Variants in ANKRD42 observed in about 807,000 individuals in gnomAD.
ANKRD42 encodes ankyrin repeat domain 42.
ANKRD42 carries 43 observed loss-of-function variants against 51.5 expected under a neutral mutation model. The observed-to-expected ratio is 0.83, with a 90% CI of 0.65 to 1.08. The LOEUF is 1.08. ANKRD42 is among the 50% of genes least tolerant of loss of function. The probability of loss-of-function intolerance (pLI) is 0.00; values close to 1 mark genes in which losing one functional copy is unlikely to be tolerated. For synonymous variants in ANKRD42, 203 were observed against 213.0 expected (o/e 0.95, Z 0.41); for missense variants, 608 against 629.3 (o/e 0.97, Z 0.36).
chr11:83,230,743 T>C (rs939974294), intron 7 of ANKRD42, among the ~76,000 whole-genome samples: 1 of 152,096 alleles, frequency 6.6e-6, no homozygotes, highest in Non-Finnish European at 1.5e-5. Context: ...TGTGCCACCA[T>C]GCCCGGCTAA....
chr11:83,227,870 A>T lies in ANKRD42; in HGVS notation c.911A>T (p.Lys304Ile). The T allele has an allele frequency of 1.9e-6, 3 of 1,600,288 alleles. No homozygotes were observed. The highest frequency in any genetic ancestry group is 2.6e-6 in the Non-Finnish European group (3 of 1,175,844). Residue 304 changes from lysine (K) to isoleucine (I), a missense_variant and splice_region_variant, in exon 7 of 11, where the codon AAA becomes ATA. Transcript: ENST00000533342. ...GATAATGGATCAACTCCTATGCATAAAGGTGAGTTATGATTCCTCCTTTCA... is the reference window on the plus strand; with the variant it reads ...GATAATGGATCAACTCCTATGCATATAGGTGAGTTATGATTCCTCCTTTCA... ...RADNGSTPMHKAAGQGHIECL... is the reference protein window; with the variant it reads ...RADNGSTPMHIAAGQGHIECL...
At chr11:83,206,676 G>A (rs1487422205) in intron 3 of ANKRD42, among the ~76,000 whole-genome samples, 2 of 152,184 alleles carry the variant, frequency 1.3e-5, no homozygotes, top group Non-Finnish European at 2.9e-5. Context: ...TCACCAGACA[G>A]AATCTGCCAC....
chr11:83,243,857 G>A (rs1863461917), intron 9 of ANKRD42, among the ~76,000 whole-genome samples: 1 of 151,478 alleles, frequency 6.6e-6, no homozygotes, highest in Non-Finnish European at 1.5e-5. Flanking sequence ...GTAGAGACGG[G>A]GTTTCACCAT....
chr11:83,216,667 T>C (rs1030557920), intron 5 of ANKRD42, among the ~76,000 whole-genome samples: 1 of 152,248 alleles, frequency 6.6e-6, no homozygotes, highest in African/African-American at 2.4e-5. Flanking sequence ...TCGTAAATTG[T>C]CTCGGCTTTT....
intron 11 of ANKRD42, among the ~76,000 whole-genome samples, chr11:83,255,487 C>T (rs1255372381): frequency 2.6e-5 from 4 of 152,148 alleles, no homozygotes; most frequent in Non-Finnish European, 5.9e-5. Flanking sequence ...CTAACACTTG[C>T]AGTTACCAAT....
chr11:83,230,604 T>C (rs1485489804), intron 7 of ANKRD42, among the ~76,000 whole-genome samples: 1 of 151,870 alleles, frequency 6.6e-6, no homozygotes, highest in Non-Finnish European at 1.5e-5. Flanking sequence ...TTTTTTTTTT[T>C]GAGACGGAGT....
At chr11:83,219,409 A>C (rs1391697558) in intron 5 of ANKRD42, among the ~76,000 whole-genome samples, 2 of 152,170 alleles carry the variant, frequency 1.3e-5, no homozygotes, top group Admixed American at 6.5e-5. Context: ...CATGCTAAGG[A>C]CCAATTTATG....
intron 5 of ANKRD42, among the ~76,000 whole-genome samples, chr11:83,222,638 T>C (rs1862749405): frequency 1.3e-5 from 2 of 152,124 alleles, no homozygotes; most frequent in Non-Finnish European, 2.9e-5. Flanking sequence ...TAACAGCAAG[T>C]GTAAATCTCC....
Position 83,194,310 on chromosome 11 carries a change from T to C in ANKRD42, c.-361T>C. ...ACTTCGGGGATAGAGTCAGTGACGA[T>C]CGCAGTCGCCGCTTCAGTGGCTCCT... On this transcript the variant is annotated 5_prime_UTR_variant, in exon 1 of 11. Transcript: ENST00000533342. 1 of 507,544 alleles carries C rather than the reference T, an allele frequency of 2.0e-6. No homozygotes were observed. Among genetic ancestry groups the C allele is most frequent in the South Asian group, 1.5e-5 (1 of 64,984 alleles). The allele number at this position is 507,544 out of a possible 1,614,324, so 31.4% of individuals were successfully genotyped here. A position where few individuals can be genotyped will look rare whatever the true frequency, so the allele number is the denominator to read the frequency against.
chr11:83,242,592 A>G (rs1863426910), intron 9 of ANKRD42, among the ~76,000 whole-genome samples: 1 of 49,728 alleles, frequency 2.0e-5, no homozygotes, highest in African/African-American at 1.0e-4. Context: ...TTTTAGATGG[A>G]GTCTCACTCC....
Position 83,248,186 on chromosome 11 carries a change from T to A in ANKRD42, c.1566T>A (p.Pro522=). ...GCTGGGGCTCTTTGGACTTGAATCC[T>A]GGCTATAGTCTTTTTTGATTTGGGC... The part of the protein sequence containing the change: ...ALGWGSLDLN[P]GYSLF The change falls in exon 11 of 11, where the codon CCT becomes CCA. Residue 522 remains proline (P), a synonymous_variant. Coordinates refer to ENST00000533342, the MANE Select transcript of ANKRD42 (RefSeq NM_001300975.2). 1 of 1,514,348 alleles carries A rather than the reference T, an allele frequency of 6.6e-7. No individual in the cohort carries two copies. The highest frequency in any genetic ancestry group is 8.8e-7 in the Non-Finnish European group (1 of 1,133,106). 93.8% of individuals were successfully genotyped at this position (1,514,348 alleles called of 1,614,324 possible). A position where few individuals can be genotyped will look rare whatever the true frequency, so the allele number is the denominator to read the frequency against.
At chr11:83,202,570 T>C (rs1478010275) in intron 2 of ANKRD42, among the ~76,000 whole-genome samples, 1 of 152,198 alleles carries the variant, frequency 6.6e-6, no homozygotes, top group Non-Finnish European at 1.5e-5. Context: ...AATCTATAAA[T>C]TACTTTGGGC....
intron 3 of ANKRD42, among the ~76,000 whole-genome samples, chr11:83,207,979 C>A (rs1420645869): frequency 1.3e-5 from 2 of 152,076 alleles, no homozygotes; most frequent in Admixed American, 6.5e-5. Flanking sequence ...GTTTTTCCCC[C>A]CCTCCTCAAC....
intron 5 of ANKRD42, among the ~76,000 whole-genome samples, chr11:83,216,183 G>T (rs1353255588): frequency 6.6e-6 from 1 of 152,162 alleles, no homozygotes; most frequent in Non-Finnish European, 1.5e-5. Context: ...TCTCATACTG[G>T]AGTTATCACA....
downstream of ANKRD42, chr11:83,248,992 C>T: frequency 1.0e-6 from 1 of 982,992 alleles, no homozygotes; most frequent in Non-Finnish European, 1.2e-6. Context: ...CTTCATTTTG[C>T]AACCCTCTTC....
chr11:83,251,719 T>C (rs1360745412), downstream of ANKRD42, among the ~76,000 whole-genome samples: 1 of 152,184 alleles, frequency 6.6e-6, no homozygotes, highest in Non-Finnish European at 1.5e-5. Context: ...AGTAAATTAA[T>C]TTAGTAAATT....
intron 5 of ANKRD42, among the ~76,000 whole-genome samples, chr11:83,220,564 G>C (rs1207546164): frequency 3.3e-5 from 5 of 152,192 alleles, no homozygotes; most frequent in Non-Finnish European, 7.3e-5. Context: ...ATTGAGCAGA[G>C]TGAAAGTACA....
downstream of ANKRD42, chr11:83,260,710 G>C (rs985368245): frequency 2.6e-5 from 4 of 152,124 alleles, no homozygotes; most frequent in African/African-American, 9.7e-5. Context: ...TTCTGGTCTT[G>C]TCTTCTTGAT....
At chr11:83,263,788 T>C (rs757653313), downstream of ANKRD42, among the ~76,000 whole-genome samples, 1 of 152,106 alleles carries the variant, frequency 6.6e-6, no homozygotes, top group Non-Finnish European at 1.5e-5. Flanking sequence ...GTATGAGAAA[T>C]TGAGGCACAC....
Sources: gnomAD v4.1 joint callset for allele counts (sites outside exome capture counted in the v4.1 genomes callset) on GRCh38, gnomAD v4.1.1 for gene constraint, MANE v1.5 for transcripts, NCBI Gene and HGNC (gene_info 2026-07-23, HGNC 2026-07-21) for gene names.